Variants in TMEM116 observed in about 807,000 individuals in gnomAD.
TMEM116 encodes transmembrane protein 116.
A neutral mutation model predicts 44.3 loss-of-function variants in TMEM116; 38 were observed. That is an observed-to-expected ratio of 0.86 (90% CI 0.66 to 1.12). TMEM116 has a LOEUF of 1.12. TMEM116 is among the 50% of genes most tolerant of loss of function. The pLI is 0.00. For missense variants in TMEM116, 354 were observed against 401.7 expected, an observed-to-expected ratio of 0.88 and a Z score of 1.01; for synonymous variants, 132 against 144.8, an observed-to-expected ratio of 0.91 and a Z score of 0.64.
At chr12:111,981,494 G>A (rs1391410624) in intron 4 of TMEM116, among the ~76,000 whole-genome samples, 1 of 152,190 alleles carries the variant, frequency 6.6e-6, no homozygotes, top group East Asian at 1.9e-4. Context: ...ACGTGTTTTG[G>A]TGTGTCTGGT....
At chr12:111,943,241 C>G (rs1383750135) in intron 5 of TMEM116, 24 bp downstream of exon 5, 1 of 1,567,564 alleles carries the variant, frequency 6.4e-7, no homozygotes, top group Admixed American at 1.7e-5. Flanking sequence ...CTATTATTAA[C>G]TATCAGCCCT....
At chr12:111,978,266 T>C (rs916715504) in intron 4 of TMEM116, among the ~76,000 whole-genome samples, 2 of 152,040 alleles carry the variant, frequency 1.3e-5, no homozygotes, top group Non-Finnish European at 2.9e-5. Flanking sequence ...CCAGGCATGG[T>C]GGTGCATGCC....
chr12:111,951,294 G>A (rs759501378), intron 4 of TMEM116, among the ~76,000 whole-genome samples: 9 of 152,202 alleles, frequency 5.9e-5, no homozygotes, highest in Non-Finnish European at 8.8e-5. Flanking sequence ...AATACCATTC[G>A]ACTCAGCAAT....
chr12:112,009,829 A>G (rs958292178), intron 1 of TMEM116, among the ~76,000 whole-genome samples: 5 of 151,530 alleles, frequency 3.3e-5, no homozygotes, highest in Non-Finnish European at 5.9e-5. Context: ...CTGAGTGACC[A>G]AGTGACTCTG....
At chr12:111,963,680 A>T (rs2074773833) in intron 4 of TMEM116, among the ~76,000 whole-genome samples, 1 of 151,946 alleles carries the variant, frequency 6.6e-6, no homozygotes. Flanking sequence ...GTTGGGGGCT[A>T]GGGGAGGGAT....
At chr12:111,998,590 G>A (rs61502080) in intron 3 of TMEM116, among the ~76,000 whole-genome samples, 2,222 of 152,282 alleles carry the variant, frequency 0.015, 62 homozygotes, top group African/African-American at 0.05. Flanking sequence ...AGGCCGAGGC[G>A]AGCAGATCAC....
chr12:111,972,880 A>C (rs1347727888), intron 4 of TMEM116, among the ~76,000 whole-genome samples: 2 of 152,032 alleles, frequency 1.3e-5, no homozygotes, highest in African/African-American at 2.4e-5. Context: ...CTGTCTCAAA[A>C]AGAAACAAAA....
intron 4 of TMEM116, among the ~76,000 whole-genome samples, chr12:111,962,126 T>C (rs921212401): frequency 3.9e-5 from 6 of 152,144 alleles, no homozygotes; most frequent in Admixed American, 2.6e-4. Context: ...GAAGGACCTC[T>C]TCAAGAAGAA....
In TMEM116 at chr12:111,931,679, C is replaced by A. The variant is rs1264482040; in HGVS notation, c.956G>T (p.Gly319Val). 1.2e-6 allele frequency: 2 copies of A among 1,614,080 alleles called. No individual in the cohort carries two copies. The highest frequency in any genetic ancestry group is 1.7e-6 in the Non-Finnish European group (2 of 1,180,012). The change falls in exon 11 of 11, where the codon GGC becomes GTC. Residue 319 changes from glycine to valine, a missense_variant. By Grantham distance (109) the Gly-to-Val change is moderately radical (BLOSUM62 -3). Coordinates refer to ENST00000552374, the MANE Select transcript of TMEM116 (RefSeq NM_001193531.2). Reference sequence around the variant, plus strand: ...CAGGGTGGATTCCAGTGAATTTAAGCCCCTGCTATAGAATCTCTTCTGTGA... The same window carrying A: ...CAGGGTGGATTCCAGTGAATTTAAGACCCTGCTATAGAATCTCTTCTGTGA... ...LCSQKRFYSR[G>V]LNSLESTLTF...
At chr12:111,943,226 G>T in intron 5 of TMEM116, 39 bp downstream of exon 5, 1 of 1,512,692 alleles carries the variant, frequency 6.6e-7, no homozygotes, top group Non-Finnish European at 9.2e-7. Flanking sequence ...ACCCGGCCTA[G>T]CATACTATTA....
intron 3 of TMEM116, among the ~76,000 whole-genome samples, chr12:111,992,700 A>G (rs1691874536): frequency 6.6e-6 from 1 of 152,202 alleles, no homozygotes; most frequent in African/African-American, 2.4e-5. Flanking sequence ...AATGAACTGT[A>G]TGTGTTGCCT....
intron 4 of TMEM116, among the ~76,000 whole-genome samples, chr12:111,974,115 A>G (rs1276772707): frequency 6.6e-6 from 1 of 152,092 alleles, no homozygotes; most frequent in East Asian, 1.9e-4. Context: ...TTGGAAAAAT[A>G]TAACATCCAT....
intron 1 of TMEM116, among the ~76,000 whole-genome samples, chr12:112,009,037 G>C (rs1475979237): frequency 6.6e-6 from 1 of 151,600 alleles, no homozygotes; most frequent in Non-Finnish European, 1.5e-5. Context: ...CTTTTGAATT[G>C]TATCTTAGTA....
chr12:111,960,176 A>G (rs2136378688), intron 4 of TMEM116, among the ~76,000 whole-genome samples: 2 of 152,322 alleles, frequency 1.3e-5, no homozygotes, highest in Middle Eastern at 6.8e-3. Context: ...CAATCAAATT[A>G]GAACTCAGGA....
At chr12:112,004,799 GTTTGT>G (rs981100042) in intron 2 of TMEM116, among the ~76,000 whole-genome samples, 24 of 151,634 alleles carry the variant, frequency 1.6e-4, no homozygotes, top group Non-Finnish European at 2.8e-4. Flanking sequence ...GGGTTTTTTT[GTTTGT>G]TTTGTTTTGT....
At chr12:111,959,547 C>T (rs1184745858) in intron 4 of TMEM116, among the ~76,000 whole-genome samples, 3 of 152,156 alleles carry the variant, frequency 2.0e-5, no homozygotes, top group Non-Finnish European at 2.9e-5. Context: ...AAGACACAGA[C>T]CGGCAAATTG....
At chr12:111,948,759 G>A (rs2073478188) in intron 4 of TMEM116, among the ~76,000 whole-genome samples, 1 of 152,028 alleles carries the variant, frequency 6.6e-6, no homozygotes, top group Non-Finnish European at 1.5e-5. Flanking sequence ...GGGGGGCTTT[G>A]TAAATTGCAA....
chr12:112,011,006 T>G (rs1247016624), intron 1 of TMEM116: 1 of 152,298 alleles, frequency 6.6e-6, no homozygotes, highest in Non-Finnish European at 1.5e-5. Context: ...TGCCTCCCAT[T>G]GCCATTCTTG....
chr12:111,993,559 G>A, intron 3 of TMEM116: 1 of 546,052 alleles, frequency 1.8e-6, no homozygotes, highest in Non-Finnish European at 3.6e-6. Flanking sequence ...AACCCAACCA[G>A]GTTAGACCAA....
Sources: gnomAD v4.1 joint callset for allele counts (sites outside exome capture counted in the v4.1 genomes callset) on GRCh38, gnomAD v4.1.1 for gene constraint, MANE v1.5 for transcripts, NCBI Gene and HGNC (gene_info 2026-07-23, HGNC 2026-07-21) for gene names.